Variants in IQCJ observed in about 807,000 individuals in gnomAD.
IQCJ encodes the protein IQ domain-containing protein J.
A neutral mutation model predicts 11.0 loss-of-function variants in IQCJ; 9 were observed. The observed-to-expected ratio is 0.82, with a 90% CI of 0.49 to 1.43. The LOEUF (loss-of-function observed/expected upper bound fraction) is 1.43. Ranked by LOEUF, IQCJ falls within the 40% of genes most tolerant of loss-of-function variation. The pLI is 0.00. For synonymous variants in IQCJ, 55 were observed against 51.3 expected (o/e 1.07, Z -0.31); for missense variants, 146 against 133.2 (o/e 1.10, Z -0.47).
chr3:159,121,590 C>A (rs1489902355), intron 1 of IQCJ, among the ~76,000 whole-genome samples: 1 of 152,176 alleles, frequency 6.6e-6, no homozygotes, highest in Non-Finnish European at 1.5e-5. Flanking sequence ...TTTGTCTGAG[C>A]TCCAGTTGGC....
intron 1 of IQCJ, among the ~76,000 whole-genome samples, chr3:159,093,734 A>C (rs575872005): frequency 1.3e-5 from 2 of 152,014 alleles, no homozygotes; most frequent in East Asian, 1.9e-4. Flanking sequence ...TTATTAATAC[A>C]ATCATGGCGA....
chr3:159,094,817 T>C (rs1717614384), intron 1 of IQCJ, among the ~76,000 whole-genome samples: 1 of 151,960 alleles, frequency 6.6e-6, no homozygotes, highest in Admixed American at 6.5e-5. Context: ...TAGAGGCATC[T>C]TCTTTATTAT....
intron 2 of IQCJ, among the ~76,000 whole-genome samples, chr3:159,247,889 C>A (rs1727364210): frequency 6.6e-6 from 1 of 152,094 alleles, no homozygotes; most frequent in African/African-American, 2.4e-5. Context: ...CTTCTGAGGC[C>A]TTTTCTCCTT....
chr3:159,199,409 A>T (rs1300088905), intron 1 of IQCJ, among the ~76,000 whole-genome samples: 1 of 152,150 alleles, frequency 6.6e-6, no homozygotes, highest in Non-Finnish European at 1.5e-5. Context: ...AAAGAAACAG[A>T]TTCTCTCCTA....
At chr3:159,085,186 C>A (rs1442450505) in intron 1 of IQCJ, among the ~76,000 whole-genome samples, 1 of 151,546 alleles carries the variant, frequency 6.6e-6, no homozygotes, top group African/African-American at 2.4e-5. Flanking sequence ...TTTGTTCTTG[C>A]GATAGTTTAC....
chr3:159,158,664 A>G (rs755671821), intron 1 of IQCJ, among the ~76,000 whole-genome samples: 9 of 152,204 alleles, frequency 5.9e-5, no homozygotes, highest in Non-Finnish European at 1.3e-4. Context: ...TCTATGTGAA[A>G]TGAAACATTT....
chr3:159,138,968 AG>A (rs1720449367), intron 1 of IQCJ, among the ~76,000 whole-genome samples: 1 of 152,244 alleles, frequency 6.6e-6, no homozygotes, highest in Non-Finnish European at 1.5e-5. Context: ...GACAAGACCT[AG>A]GGAAAATTTG....
At chr3:159,108,006 C>CAAAAAAAAAAAAAA (rs367862873) in intron 1 of IQCJ, among the ~76,000 whole-genome samples, 1 of 100,940 alleles carries the variant, frequency 9.9e-6, no homozygotes, top group African/African-American at 4.0e-5. Context: ...TATGGTTTTC[C>CAAAAAAAAAAAAAA]AAAAAAAAAA....
At chr3:159,134,909 G>C (rs1397526963) in intron 1 of IQCJ, among the ~76,000 whole-genome samples, 3 of 152,130 alleles carry the variant, frequency 2.0e-5, no homozygotes, top group Non-Finnish European at 2.9e-5. Context: ...GTCAGCTCAG[G>C]GTTGTAAGAA....
At chr3:159,206,308 A>G (rs1269246673) in intron 1 of IQCJ, among the ~76,000 whole-genome samples, 1 of 152,142 alleles carries the variant, frequency 6.6e-6, no homozygotes, top group Non-Finnish European at 1.5e-5. Flanking sequence ...ATAGAATCAC[A>G]ATGATTGCAA....
At chr3:159,159,221 G>A (rs1001653189) in intron 1 of IQCJ, among the ~76,000 whole-genome samples, 1 of 152,142 alleles carries the variant, frequency 6.6e-6, no homozygotes, top group Non-Finnish European at 1.5e-5. Flanking sequence ...CTGGCTATGG[G>A]GTAATTCAGG....
At chr3:159,165,673 G>T (rs1353568234) in intron 1 of IQCJ, among the ~76,000 whole-genome samples, 1 of 151,490 alleles carries the variant, frequency 6.6e-6, no homozygotes, top group Non-Finnish European at 1.5e-5. Context: ...GAGTGCAGTG[G>T]CTCGACCTCG....
At chr3:159,102,398 G>C (rs1717991953) in intron 1 of IQCJ, among the ~76,000 whole-genome samples, 1 of 152,194 alleles carries the variant, frequency 6.6e-6, no homozygotes, top group South Asian at 2.1e-4. Flanking sequence ...TAGTTGCAGA[G>C]ATTGGGTACG....
intron 1 of IQCJ, among the ~76,000 whole-genome samples, chr3:159,096,344 T>C (rs1462653143): frequency 3.3e-5 from 5 of 150,500 alleles, no homozygotes; most frequent in Non-Finnish European, 7.4e-5. Context: ...TAGTTTCTTT[T>C]GCTGTGCAGA....
At chr3:159,117,289 A>T (rs927872694) in intron 1 of IQCJ, among the ~76,000 whole-genome samples, 3 of 151,988 alleles carry the variant, frequency 2.0e-5, no homozygotes, top group Non-Finnish European at 4.4e-5. Context: ...ATTGCTGGAG[A>T]TGGCTTAGGA....
At chr3:159,089,039 A>T (rs187337105) in intron 1 of IQCJ, among the ~76,000 whole-genome samples, 2,779 of 151,696 alleles carry the variant, frequency 0.018, 84 homozygotes, top group African/African-American at 0.065. Flanking sequence ...TTTTGGCATG[A>T]TTTTGCAGTG....
chr3:159,138,546 G>A (rs566795925), intron 1 of IQCJ, among the ~76,000 whole-genome samples: 11 of 152,222 alleles, frequency 7.2e-5, no homozygotes, highest in South Asian at 2.1e-4. Flanking sequence ...TAAATACTCC[G>A]TGTGTGTTTA....
chr3:159,248,267 T>C (rs1365386057), intron 2 of IQCJ, among the ~76,000 whole-genome samples: 2 of 152,192 alleles, frequency 1.3e-5, no homozygotes, highest in African/African-American at 4.8e-5. Flanking sequence ...GGCAAGACAA[T>C]CTCAAAGGTT....
intron 1 of IQCJ, among the ~76,000 whole-genome samples, chr3:159,189,672 C>G (rs1042056389): frequency 2.6e-5 from 4 of 152,112 alleles, no homozygotes; most frequent in African/African-American, 4.8e-5. Flanking sequence ...GGTGTTTAGT[C>G]TTTGCCAAGA....
Sources: gnomAD v4.1 joint callset for allele counts (sites outside exome capture counted in the v4.1 genomes callset) on GRCh38, gnomAD v4.1.1 for gene constraint, MANE v1.5 for transcripts, NCBI Gene and HGNC (gene_info 2026-07-23, HGNC 2026-07-21) for gene names.